Variants in ABCC4 observed in about 807,000 individuals in gnomAD.
ABCC4 encodes the protein ATP-binding cassette sub-family C member 4.
A neutral mutation model predicts 168.5 loss-of-function variants in ABCC4; 102 were observed. The ratio of observed to expected loss-of-function variants is 0.61; its 90% CI spans 0.52 to 0.71. The LOEUF (loss-of-function observed/expected upper bound fraction) is 0.71. Ranked by LOEUF, ABCC4 falls within the 30% of genes least tolerant of loss-of-function variation. ABCC4 has a pLI of 0.00. For missense variants in ABCC4, 1,402 were observed against 1,605.8 expected (o/e 0.87, Z 2.17); for synonymous variants, 617 against 590.7 (o/e 1.04, Z -0.65).
chr13:95,146,986 C>T (rs1263901520), intron 19 of ABCC4, among the ~76,000 whole-genome samples: 1 of 152,152 alleles, frequency 6.6e-6, no homozygotes, highest in Non-Finnish European at 1.5e-5. Context: ...TTACAAACAA[C>T]CTATTTTTGA....
At chr13:95,086,868 T>C (rs28416752) in intron 20 of ABCC4, among the ~76,000 whole-genome samples, 1 of 152,194 alleles carries the variant, frequency 6.6e-6, no homozygotes, top group African/African-American at 2.4e-5. Flanking sequence ...GATTTGTTTA[T>C]GGTATTAAAA....
intron 30 of ABCC4, among the ~76,000 whole-genome samples, chr13:95,027,046 C>T (rs944532361): frequency 2.6e-5 from 4 of 152,046 alleles, no homozygotes; most frequent in African/African-American, 9.7e-5. Context: ...AATTTTATAT[C>T]CACAACTTTT....
intron 4 of ABCC4, among the ~76,000 whole-genome samples, chr13:95,212,572 A>C (rs937513733): frequency 1.3e-5 from 2 of 152,214 alleles, no homozygotes; most frequent in African/African-American, 4.8e-5. Context: ...ATGAGGATTT[A>C]GGTAAGACAG....
rs145007777 is a variant in ABCC4 at position 95,080,768 on chromosome 13, C to T, written c.2686+2372G>A. ...GATTACAGGTGTGAGCCAATGCGCC[C>T]GGCCCAGATTTGTTATTAAGATTCA... On this transcript the variant is annotated intron_variant, in intron 21 of 30. Transcript: ENST00000645237. Among the ~76,000 whole-genome samples the T allele has an allele frequency of 6.4e-3, 981 of 152,268 alleles. 10 individuals are homozygous for T. The highest frequency in any genetic ancestry group is 0.022 in the African/African-American group (899 of 41,552).
At chr13:95,183,022 T>C (rs774881371) in intron 11 of ABCC4, among the ~76,000 whole-genome samples, 93 of 152,232 alleles carry the variant, frequency 6.1e-4, no homozygotes, top group Non-Finnish European at 1.1e-3. Context: ...ATATATCTAG[T>C]TGCTATCAAC....
intron 20 of ABCC4, among the ~76,000 whole-genome samples, chr13:95,099,988 T>G (rs1235759188): frequency 6.6e-6 from 1 of 152,190 alleles, no homozygotes; most frequent in Non-Finnish European, 1.5e-5. Flanking sequence ...GTTCATCTTA[T>G]CAAGAAAACT....
At chr13:95,213,755 T>C (rs375003363) in intron 4 of ABCC4, among the ~76,000 whole-genome samples, 2 of 152,252 alleles carry the variant, frequency 1.3e-5, no homozygotes, top group African/African-American at 4.8e-5. Context: ...GATTAACTGA[T>C]TGACAGACAG....
chr13:95,277,656 A>G (rs934475066), intron 1 of ABCC4, among the ~76,000 whole-genome samples: 10 of 152,256 alleles, frequency 6.6e-5, no homozygotes, highest in African/African-American at 2.4e-4. Flanking sequence ...ATGGGTGGTC[A>G]AGGCAGAGTT....
intron 3 of ABCC4, among the ~76,000 whole-genome samples, chr13:95,242,148 C>T (rs2039964467): frequency 6.6e-6 from 1 of 152,126 alleles, no homozygotes; most frequent in Admixed American, 6.6e-5. Context: ...ATACGAAGAT[C>T]CACAAGCAGC....
intron 27 of ABCC4, among the ~76,000 whole-genome samples, chr13:95,049,678 A>AAAT (rs1566372030): frequency 6.6e-6 from 1 of 151,868 alleles, no homozygotes; most frequent in Non-Finnish European, 1.5e-5. Flanking sequence ...AATAAATAAA[A>AAAT]AAATAACCAA....
intron 20 of ABCC4, among the ~76,000 whole-genome samples, chr13:95,105,973 C>T (rs116194753): frequency 0.016 from 2,461 of 152,286 alleles, 71 homozygotes; most frequent in African/African-American, 0.057. Flanking sequence ...AGCCGGTTAC[C>T]GGCCTCGCTG....
intron 25 of ABCC4, among the ~76,000 whole-genome samples, chr13:95,063,940 C>A (rs1415294162): frequency 6.6e-6 from 1 of 152,094 alleles, no homozygotes; most frequent in Non-Finnish European, 1.5e-5. Context: ...ATAAAACATG[C>A]CTTCAATCAT....
intron 25 of ABCC4, among the ~76,000 whole-genome samples, chr13:95,069,437 A>G (rs2033653547): frequency 6.6e-6 from 1 of 152,194 alleles, no homozygotes; most frequent in Non-Finnish European, 1.5e-5. Context: ...AAGGTACTTT[A>G]TGTACTTTTC....
At chr13:95,260,115 C>G (rs1263188586) in intron 1 of ABCC4, among the ~76,000 whole-genome samples, 1 of 152,142 alleles carries the variant, frequency 6.6e-6, no homozygotes, top group African/African-American at 2.4e-5. Context: ...TGATGTTCTC[C>G]AGGTGATGCG....
chr13:95,247,594 C>G (rs748704897), intron 2 of ABCC4, 49 bp downstream of exon 2: 1 of 1,464,232 alleles, frequency 6.8e-7, no homozygotes, highest in Non-Finnish European at 9.5e-7. Context: ...ACTCCCCACA[C>G]ACAGACACCC....
rs376495691 is a variant in ABCC4, at chr13:95,270,886, G to A, written c.75-23133C>T. ...CGAGGCGAGACGATTATAAGGTCAG[G>A]AGATCGAGACTATCCTGGTTAACAT... On this transcript the variant is annotated intron_variant, in intron 1 of 30. Coordinates refer to ENST00000645237, the MANE Select transcript of ABCC4 (RefSeq NM_005845.5). Among the ~76,000 whole-genome samples the A allele has an allele frequency of 1.2e-3, 179 of 152,310 alleles. 9 individuals are homozygous for A. In the South Asian group the frequency reaches 0.036, roughly 31 times the overall value.
intron 1 of ABCC4, chr13:95,269,183 G>T (rs1220018963): frequency 2.3e-6 from 1 of 431,684 alleles, no homozygotes; most frequent in Non-Finnish European, 4.7e-6. Context: ...ACCCAAGGGG[G>T]TCATGGGAAG....
At chr13:95,122,909 G>A (rs1229160639) in intron 19 of ABCC4, among the ~76,000 whole-genome samples, 2 of 152,220 alleles carry the variant, frequency 1.3e-5, no homozygotes, top group Non-Finnish European at 2.9e-5. Flanking sequence ...TCCCAGGACT[G>A]TGTTGTGTTT....
chr13:95,170,498 T>G, intron 14 of ABCC4, 34 bp downstream of exon 14: 1 of 1,406,088 alleles, frequency 7.1e-7, no homozygotes, highest in Non-Finnish European at 1.0e-6. Context: ...ACCCAAGTAC[T>G]TGCAAGTTCG....
Sources: allele counts gnomAD v4.1 joint callset (sites outside exome capture counted in the v4.1 genomes callset), GRCh38; gene constraint gnomAD v4.1.1; transcripts MANE v1.5; gene names NCBI Gene and HGNC (gene_info 2026-07-23, HGNC 2026-07-21).